SCAMP1: variants seen among roughly 807,000 people sequenced by gnomAD.
SCAMP1 encodes the protein secretory carrier membrane protein 1, also known as secretory carrier-associated membrane protein 1.
Under a neutral mutation model 41.8 loss-of-function variants are expected in SCAMP1, and 15 were observed. That is an observed-to-expected ratio of 0.36 (90% CI 0.24 to 0.55). The LOEUF is 0.55. Among genes scored for constraint, SCAMP1 ranks in the 20% least tolerant of loss-of-function variants. The pLI is 0.86. For synonymous variants in SCAMP1, 135 were observed against 136.8 expected, an observed-to-expected ratio of 0.99 and a Z score of 0.09; for missense variants, 341 against 412.6, an observed-to-expected ratio of 0.83 and a Z score of 1.50.
chr5:78,433,208 C>G (rs1460334939), intron 6 of SCAMP1, among the ~76,000 whole-genome samples: 1 of 152,122 alleles, frequency 6.6e-6, no homozygotes, highest in East Asian at 1.9e-4. Flanking sequence ...AATGCCAACA[C>G]CTGAGTTATA....
intron 2 of SCAMP1, 139 bp from the exon 3 acceptor site, chr5:78,415,381 C>T (rs1453667563): frequency 1.7e-6 from 1 of 600,568 alleles, no homozygotes; most frequent in Non-Finnish European, 3.0e-6. Context: ...AGCTCTTTGC[C>T]ACACACTTGA....
intron 8 of SCAMP1, among the ~76,000 whole-genome samples, chr5:78,464,802 C>T (rs1211474274): frequency 6.6e-6 from 1 of 152,184 alleles, no homozygotes; most frequent in Admixed American, 6.5e-5. Flanking sequence ...ATGCAGAACA[C>T]TTCACCAGTA....
intron 1 of SCAMP1, among the ~76,000 whole-genome samples, chr5:78,374,677 A>C (rs1751021268): frequency 6.6e-6 from 1 of 151,558 alleles, no homozygotes; most frequent in Admixed American, 6.6e-5. Context: ...CTTTCTCTAG[A>C]ATCTATAGAG....
At chr5:78,411,276 C>T (rs1752068418) in intron 2 of SCAMP1, among the ~76,000 whole-genome samples, 1 of 152,066 alleles carries the variant, frequency 6.6e-6, no homozygotes, top group Non-Finnish European at 1.5e-5. Context: ...TTGGGTTTTA[C>T]ATTTAAAGGA....
At chr5:78,465,017 C>T (rs920459462) in intron 8 of SCAMP1, among the ~76,000 whole-genome samples, 16 of 152,260 alleles carry the variant, frequency 1.1e-4, no homozygotes, top group Admixed American at 5.2e-4. Flanking sequence ...TGCATTAATT[C>T]GTCTTCTCTG....
Position 78,369,690 on chromosome 5 carries a change from T to G in SCAMP1, c.57+8962T>G, listed in dbSNP as rs557899268. ...TTTAAAAAAGGCAATATCTGTGAAG[T>G]ACAGTGAAACTAGGTATTCCTGCAT... is the stretch of plus-strand genomic sequence containing the variant. On this transcript the variant is annotated intron_variant, in intron 1 of 8. Transcript: ENST00000621999. Among the ~76,000 whole-genome samples the G allele has an allele frequency of 1.8e-4, 28 of 152,330 alleles. No homozygotes were observed. In the South Asian group the frequency reaches 5.6e-3, roughly 30 times the overall value.
chr5:78,377,762 GATA>G (rs1182050416), intron 1 of SCAMP1, among the ~76,000 whole-genome samples: 4 of 152,198 alleles, frequency 2.6e-5, no homozygotes, highest in Non-Finnish European at 1.5e-5. Flanking sequence ...TGGTAATGAT[GATA>G]GCAGCCTCAC....
At chr5:78,466,748 G>T (rs997346386) in intron 8 of SCAMP1, among the ~76,000 whole-genome samples, 1 of 152,154 alleles carries the variant, frequency 6.6e-6, no homozygotes, top group Admixed American at 6.5e-5. Flanking sequence ...GAATTGATTA[G>T]ATTTGAATTT....
intron 8 of SCAMP1, among the ~76,000 whole-genome samples, chr5:78,462,635 CT>C (rs746340168): frequency 1.3e-5 from 2 of 152,048 alleles, no homozygotes; most frequent in Non-Finnish European, 2.9e-5. Flanking sequence ...TATCTTGAAA[CT>C]TTACTCAAGT....
chr5:78,384,573 G>T (rs186321416), intron 1 of SCAMP1, among the ~76,000 whole-genome samples: 1 of 151,978 alleles, frequency 6.6e-6, no homozygotes, highest in African/African-American at 2.4e-5. Flanking sequence ...CCCGTTCAGT[G>T]TAATGTTGGC....
chr5:78,389,606 GA>G (rs915972833), intron 2 of SCAMP1, among the ~76,000 whole-genome samples: 20 of 151,856 alleles, frequency 1.3e-4, no homozygotes, highest in Non-Finnish European at 2.5e-4. Context: ...GTACAAGTAT[GA>G]AAAAAATCCT....
chr5:78,418,795 C>T lies in SCAMP1; in HGVS notation c.364C>T (p.Pro122Ser). 1 of 1,554,408 alleles carries T rather than the reference C, an allele frequency of 6.4e-7. No individual in the cohort carries two copies. The highest frequency in any genetic ancestry group is 8.7e-7 in the Non-Finnish European group (1 of 1,148,990). Reference protein sequence around the residue: ...SQHGRKNNWPPLPSNFPVGPC... With the variant: ...SQHGRKNNWPSLPSNFPVGPC... ...TACAGGTAGAAAAAATAATTGGCCA[C>T]CTCTTCCTAGCAATTTTCCTGTCGG... Residue 122 changes from proline to serine, a missense_variant, in exon 5 of 9, where the codon CCT becomes TCT. Pro to Ser is a moderately conservative substitution (Grantham distance 74). Transcript: ENST00000621999.
intron 7 of SCAMP1, among the ~76,000 whole-genome samples, chr5:78,456,393 C>G (rs939531244): frequency 1.3e-5 from 2 of 152,218 alleles, no homozygotes; most frequent in Non-Finnish European, 2.9e-5. Context: ...GTGACAAAAT[C>G]TCTCAGCATT....
chr5:78,407,817 G>A lies in SCAMP1; in HGVS notation c.136-7703G>A, dbSNP rs559065604. On this transcript the variant is annotated intron_variant, in intron 2 of 8. Transcript: ENST00000621999. ...TGTCTATTAAATTTATAATTTAAAA[G>A]TCATTATTATAGTTTTCATTTCTAG... Among the ~76,000 whole-genome samples, 2 of 152,094 alleles carry A rather than the reference G, an allele frequency of 1.3e-5. 1 individual carries two copies.
intron 1 of SCAMP1, among the ~76,000 whole-genome samples, chr5:78,384,479 T>A (rs1287153183): frequency 6.6e-6 from 1 of 152,148 alleles, no homozygotes; most frequent in African/African-American, 2.4e-5. Flanking sequence ...TGGCTAGGAC[T>A]TCCAGTACGG....
intron 1 of SCAMP1, among the ~76,000 whole-genome samples, chr5:78,367,055 A>G (rs928547376): frequency 1.3e-5 from 2 of 152,186 alleles, no homozygotes; most frequent in Non-Finnish European, 2.9e-5. Flanking sequence ...GTCTTTTAAC[A>G]TTAATCTGGA....
At chr5:78,423,053 G>C (rs1028700761) in intron 6 of SCAMP1, among the ~76,000 whole-genome samples, 1 of 150,072 alleles carries the variant, frequency 6.7e-6, no homozygotes, top group Non-Finnish European at 1.5e-5. Flanking sequence ...CACACACACA[G>C]AGTTAGAAAC....
At chr5:78,368,299 C>G (rs998020446) in intron 1 of SCAMP1, among the ~76,000 whole-genome samples, 1 of 152,130 alleles carries the variant, frequency 6.6e-6, no homozygotes, top group East Asian at 1.9e-4. Context: ...TGCTGTGCCA[C>G]GTGACAAAAC....
intron 1 of SCAMP1, among the ~76,000 whole-genome samples, chr5:78,383,380 A>G (rs569961551): frequency 3.3e-5 from 5 of 151,800 alleles, no homozygotes; most frequent in Admixed American, 6.6e-5. Context: ...CTCCTACCCT[A>G]TGTGTTGTCT....
Sources: allele counts gnomAD v4.1 joint callset (sites outside exome capture counted in the v4.1 genomes callset), GRCh38; gene constraint gnomAD v4.1.1; transcripts MANE v1.5; gene names NCBI Gene and HGNC (gene_info 2026-07-23, HGNC 2026-07-21).